The following NEBL variants were observed in gnomAD, a reference collection of about 807,000 sequenced individuals.
NEBL encodes LIM and SH3 protein 2.
NEBL carries 122 observed loss-of-function variants against 140.2 expected under a neutral mutation model. The observed-to-expected ratio is 0.87, with a 90% confidence interval of 0.75 to 1.01. The LOEUF (loss-of-function observed/expected upper bound fraction) is 1.01, where lower values mean the gene tolerates loss of function less well. NEBL is among the 50% of genes least tolerant of loss of function. NEBL has a pLI of 0.00. For synonymous variants in NEBL, 436 were observed against 398.9 expected, an observed-to-expected ratio of 1.09 and a Z score of -1.11; for missense variants, 1,365 against 1,231.3, an observed-to-expected ratio of 1.11 and a Z score of -1.62.
rs922327200 is a variant in NEBL, at chr10:21,072,558, C to T, written c.165-52357G>A. Among the ~76,000 whole-genome samples the T allele has an allele frequency of 3.2e-4, 49 of 152,222 alleles. 1 individual carries two copies. The highest frequency in any genetic ancestry group is 1.5e-4 in the Non-Finnish European group (10 of 68,042). On this transcript the variant is annotated intron_variant, in intron 2 of 6. Transcript: ENST00000417816. ...GAGGTCATACAGGCCACGGGGCTGTCGGCTGCCACACAGGAAAAACAAAGG... is the reference window on the plus strand; with the variant it reads ...GAGGTCATACAGGCCACGGGGCTGTTGGCTGCCACACAGGAAAAACAAAGG...
At chr10:21,020,910 CCT>C (rs1838764984) in intron 2 of NEBL, among the ~76,000 whole-genome samples, 1 of 152,150 alleles carries the variant, frequency 6.6e-6, no homozygotes. Context: ...AGCTTTGGGG[CCT>C]CTCTGTGAGC....
chr10:20,903,780 C>T (rs1278284462), intron 4 of NEBL, among the ~76,000 whole-genome samples: 1 of 151,846 alleles, frequency 6.6e-6, no homozygotes, highest in Non-Finnish European at 1.5e-5. Flanking sequence ...AAACCAAATA[C>T]TGCATGTTGT....
At chr10:20,888,838 C>T (rs776897667) in intron 3 of NEBL, among the ~76,000 whole-genome samples, 20 of 152,214 alleles carry the variant, frequency 1.3e-4, no homozygotes, top group Non-Finnish European at 2.4e-4. Flanking sequence ...TAATTGAGAA[C>T]ATCAAGTATT....
At chr10:21,241,300 A>T (rs1466834345) in intron 3 of NEBL, among the ~76,000 whole-genome samples, 5 of 151,960 alleles carry the variant, frequency 3.3e-5, no homozygotes, top group Admixed American at 3.3e-4. Context: ...ATAAAAATCA[A>T]TCAAAAGGAC....
At chr10:20,883,745 C>G (rs1846223476) in intron 4 of NEBL, among the ~76,000 whole-genome samples, 1 of 152,128 alleles carries the variant, frequency 6.6e-6, no homozygotes, top group African/African-American at 2.4e-5. Context: ...TGGGTTATCA[C>G]AGAAATGATG....
chr10:21,022,014 CA>C (rs2131775751), intron 2 of NEBL, among the ~76,000 whole-genome samples: 1 of 152,332 alleles, frequency 6.6e-6, no homozygotes, highest in South Asian at 2.1e-4. Context: ...CTTATGTTCA[CA>C]GATGACTCCC....
intron 9 of NEBL, among the ~76,000 whole-genome samples, chr10:20,854,151 A>C (rs914379841): frequency 6.6e-6 from 1 of 152,204 alleles, no homozygotes; most frequent in Non-Finnish European, 1.5e-5. Flanking sequence ...GGTAGCTCTT[A>C]AAGACTCAAG....
rs947141444 is a variant in NEBL at position 20,781,208 on chromosome 10, A to G, written c.*4539T>C. On this transcript the variant is annotated 3_prime_UTR_variant, in exon 28 of 28. Coordinates refer to ENST00000377122, the MANE Select transcript of NEBL (RefSeq NM_006393.3). Reference sequence around the variant, plus strand: ...CTGGTGTTAACAATTTGCATAACAAAAGCCAAATTATATTAGTAACATTGT... The same window carrying G: ...CTGGTGTTAACAATTTGCATAACAAGAGCCAAATTATATTAGTAACATTGT... The G allele has an allele frequency of 6.6e-6, 1 of 152,646 alleles. No individual in the cohort carries two copies. The highest frequency in any genetic ancestry group is 1.5e-5 in the Non-Finnish European group (1 of 68,032). 9.5% of individuals were successfully genotyped at this position (152,646 alleles called of 1,614,324 possible). A position where few individuals can be genotyped will look rare whatever the true frequency, so the allele number is the denominator to read the frequency against.
At chr10:21,106,401 C>T (rs543240440) in intron 2 of NEBL, among the ~76,000 whole-genome samples, 15 of 152,048 alleles carry the variant, frequency 9.9e-5, no homozygotes, top group South Asian at 4.2e-4. Flanking sequence ...GCTTTCTACA[C>T]GTGGCTAGCC....
chr10:21,175,936 A>T (rs1206743721), upstream of NEBL, among the ~76,000 whole-genome samples: 1 of 152,108 alleles, frequency 6.6e-6, no homozygotes, highest in Non-Finnish European at 1.5e-5. Context: ...AATGTTGGTG[A>T]TATGTGACAT....
At chr10:21,106,793 G>T (rs557217338) in intron 2 of NEBL, among the ~76,000 whole-genome samples, 1 of 152,098 alleles carries the variant, frequency 6.6e-6, no homozygotes, top group East Asian at 1.9e-4. Flanking sequence ...GCCATTTTCA[G>T]GATATTGATT....
At chr10:20,914,830 G>T (rs190569836) in intron 4 of NEBL, among the ~76,000 whole-genome samples, 62 of 152,122 alleles carry the variant, frequency 4.1e-4, no homozygotes, top group African/African-American at 1.4e-3. Flanking sequence ...TGGTTCTCAA[G>T]ATGTATTTTT....
intron 3 of NEBL, among the ~76,000 whole-genome samples, chr10:21,186,323 T>C (rs1841471237): frequency 6.7e-6 from 1 of 149,264 alleles, no homozygotes; most frequent in Non-Finnish European, 1.5e-5. Context: ...ATTAAATATA[T>C]GCGTTGAAGT....
chr10:20,791,384 G>A (rs1835958900), intron 26 of NEBL, among the ~76,000 whole-genome samples: 3 of 151,954 alleles, frequency 2.0e-5, no homozygotes, highest in Admixed American at 1.3e-4. Context: ...GAAAAGGGAG[G>A]AAGAAAAGTT....
intron 24 of NEBL, among the ~76,000 whole-genome samples, chr10:20,811,308 C>T (rs544546236): frequency 6.6e-6 from 1 of 152,184 alleles, no homozygotes; most frequent in South Asian, 2.1e-4. Flanking sequence ...TAGCAACGAC[C>T]TCACCATCAT....
At chr10:21,111,189 A>G (rs1311618495) in intron 2 of NEBL, among the ~76,000 whole-genome samples, 2 of 152,222 alleles carry the variant, frequency 1.3e-5, no homozygotes, top group African/African-American at 4.8e-5. Flanking sequence ...TATACATTCA[A>G]TGCTATCCCC....
chr10:21,021,645 C>T (rs917287560), intron 2 of NEBL, among the ~76,000 whole-genome samples: 7 of 152,184 alleles, frequency 4.6e-5, no homozygotes, highest in African/African-American at 1.4e-4. Flanking sequence ...GGAAGCTCTC[C>T]TGGCCTCCCA....
At chr10:20,903,129 A>T (rs1847941269) in intron 4 of NEBL, among the ~76,000 whole-genome samples, 4 of 152,200 alleles carry the variant, frequency 2.6e-5, no homozygotes, top group African/African-American at 7.2e-5. Flanking sequence ...TGCAGATAGT[A>T]TCAAACTCTA....
chr10:20,835,598 G>A lies in NEBL; in HGVS notation c.1364C>T (p.Ser455Leu). The A allele has an allele frequency of 4.3e-6, 7 of 1,610,868 alleles. No individual in the cohort carries two copies. Among genetic ancestry groups the A allele is most frequent in the Non-Finnish European group, 5.9e-6 (7 of 1,178,876 alleles). The change falls in exon 14 of 28, where the codon TCA becomes TTA. Residue 455 changes from serine to leucine, a missense_variant. Ser to Leu is a moderately radical substitution (Grantham distance 145). Around this residue, in one of 2 missense-constraint regions of NEBL, gnomAD observed 1,323 missense variants for 1,154.8 expected, o/e 1.15. Transcript: ENST00000377122. ...TTGCATTCCTTTCCCTTTAATTATTGACTCCAGGTCTTTCTTGTATTCTTT... is the reference window on the plus strand; with the variant it reads ...TTGCATTCCTTTCCCTTTAATTATTAACTCCAGGTCTTTCTTGTATTCTTT... ...SEKEYKKDLE[S>L]IIKGKGMQAG...
Sources: gnomAD v4.1 joint callset for allele counts (sites outside exome capture counted in the v4.1 genomes callset) on GRCh38, gnomAD v4.1.1 for gene constraint, gnomAD v4.1.1 regional missense constraint, MANE v1.5 for transcripts, NCBI Gene and HGNC (gene_info 2026-07-23, HGNC 2026-07-21) for gene names.